The following ZNF483 variants were observed in gnomAD, a reference collection of about 807,000 sequenced individuals.
The protein encoded by ZNF483 is zinc finger protein HIT-10.
Under a neutral mutation model 28.6 loss-of-function variants are expected in ZNF483, and 9 were observed. The observed-to-expected ratio is 0.32, with a 90% CI of 0.19 to 0.55. The LOEUF (loss-of-function observed/expected upper bound fraction) is 0.55, where lower values mean the gene tolerates loss of function less well. Among genes scored for constraint, ZNF483 ranks in the 20% least tolerant of loss-of-function variants. ZNF483 has a pLI of 0.93. For missense variants in ZNF483, 675 were observed against 871.7 expected, an observed-to-expected ratio of 0.77 and a Z score of 2.84; for synonymous variants, 322 against 306.2, an observed-to-expected ratio of 1.05 and a Z score of -0.54.
At chr9:111,566,249 T>C (rs190364760) in intron 5 of ZNF483, among the ~76,000 whole-genome samples, 3 of 152,284 alleles carry the variant, frequency 2.0e-5, no homozygotes, top group Non-Finnish European at 4.4e-5. Context: ...CTAACTATGA[T>C]CAGCTTCACT....
chr9:111,527,894 A>T, intron 2 of ZNF483, 87 bp downstream of exon 2: 1 of 1,604,154 alleles, frequency 6.2e-7, no homozygotes, highest in Admixed American at 1.7e-5. Context: ...ATTTACTGCT[A>T]AAGAGGAGTC....
In ZNF483 at chr9:111,542,280, G is replaced by T; in HGVS notation, c.1345G>T (p.Gly449Cys). 5.0e-6 allele frequency: 8 copies of T among 1,614,120 alleles called. No homozygotes were observed. Among genetic ancestry groups the T allele is most frequent in the Non-Finnish European group, 6.8e-6 (8 of 1,180,014 alleles). Residue 449 changes from glycine to cysteine, a missense_variant, in exon 6 of 6, where the codon GGC (glycine) becomes TGC (cysteine). By Grantham distance (159) the Gly-to-Cys change is radical. This residue lies in a region of ZNF483 where 525 missense variants were observed against 581.8 expected (regional missense o/e 0.90). Transcript: ENST00000309235. The surrounding 1 kb of genome is among the most constrained non-coding windows in gnomAD (Gnocchi z 6.2). ...ATGTAGTAAGTGTGGAAAAGCCTTT[G>T]GCTATAGCGCCTCACTCACCAAACA... is the stretch of plus-strand genomic sequence containing the variant. Reference protein sequence around the residue: ...HKCSKCGKAFGYSASLTKHRR... With the variant: ...HKCSKCGKAFCYSASLTKHRR...
intron 5 of ZNF483, chr9:111,576,305 C>T: frequency 1.9e-6 from 3 of 1,591,460 alleles, no homozygotes; most frequent in Non-Finnish European, 1.7e-6. Context: ...AAACTACTTG[C>T]TAAAATTTTA....
chr9:111,549,670 C>T lies in ZNF483; in HGVS notation c.*6500C>T. On this transcript the variant is annotated 3_prime_UTR_variant, in exon 6 of 6. Transcript: ENST00000309235. ...TGGTGGCAGCGGCAGCAGGGTTCCC[C>T]ATTGATTTTCTAAATGTTTGTAGTC... The T allele has an allele frequency of 6.7e-7, 1 of 1,481,648 alleles. No individual in the cohort carries two copies. The highest frequency in any genetic ancestry group is 9.1e-7 in the Non-Finnish European group (1 of 1,095,292). The allele number at this position is 1,481,648 out of a possible 1,614,324, so 91.8% of individuals were successfully genotyped here.
At chr9:111,529,080 T>G (rs1589266010) in intron 2 of ZNF483, among the ~76,000 whole-genome samples, 1 of 149,606 alleles carries the variant, frequency 6.7e-6, no homozygotes, top group Non-Finnish European at 1.5e-5. Context: ...GGAGGTGGAG[T>G]GAGCCAAGAT....
At chr9:111,563,393 T>C in intron 5 of ZNF483, 1 of 633,490 alleles carries the variant, frequency 1.6e-6, no homozygotes, top group Non-Finnish European at 2.6e-6. Context: ...TGGGGCAAGA[T>C]CCACTTACAC....
intron 5 of ZNF483, among the ~76,000 whole-genome samples, chr9:111,569,576 C>T (rs1050067524): frequency 1.3e-5 from 2 of 152,052 alleles, no homozygotes; most frequent in Admixed American, 1.3e-4. Flanking sequence ...CCAGCCTGGC[C>T]AACATGACGA....
At chr9:111,556,631 A>G (rs7027778), downstream of ZNF483, among the ~76,000 whole-genome samples, 48,583 of 152,118 alleles carry the variant, frequency 0.32, 8,805 homozygotes, top group Non-Finnish European at 0.42. Context: ...TTTGTATCCA[A>G]TGCTGCGGGA....
intron 1 of ZNF483, among the ~76,000 whole-genome samples, chr9:111,525,770 C>T (rs1827172282): frequency 6.6e-6 from 1 of 152,076 alleles, no homozygotes; most frequent in African/African-American, 2.4e-5. Flanking sequence ...ATCGCGGAGC[C>T]CCAGGTGCTC....
At chr9:111,539,654 T>C in intron 5 of ZNF483, 1 of 242,050 alleles carries the variant, frequency 4.1e-6, no homozygotes, top group Non-Finnish European at 8.4e-6. Flanking sequence ...TCCAGGCTAC[T>C]TGGGAGGCTG....
chr9:111,531,920 G>A lies in ZNF483; in HGVS notation c.501+957G>A, dbSNP rs147650272. Among the ~76,000 whole-genome samples, 1,270 of 152,272 alleles carry A rather than the reference G, an allele frequency of 8.3e-3. 8 individuals are homozygous for A. The highest frequency in any genetic ancestry group is 0.024 in the Middle Eastern group (7 of 294). Reference sequence around the variant, plus strand: ...GCCAGTCTTGAACTCCTGACCTCAAGCAGTCCTCTCCCTTGGCCTCCCACA... The same window carrying A: ...GCCAGTCTTGAACTCCTGACCTCAAACAGTCCTCTCCCTTGGCCTCCCACA... On this transcript the variant is annotated intron_variant, in intron 3 of 5. Coordinates refer to ENST00000309235, the MANE Select transcript of ZNF483 (RefSeq NM_133464.5).
At position 111,527,810 on chromosome 9, in the gene ZNF483, G is replaced by A. The variant is rs1242682698; in HGVS notation, c.412+3G>A. The A allele has an allele frequency of 1.2e-6, 2 of 1,614,020 alleles. No individual in the cohort carries two copies. Among genetic ancestry groups the A allele is most frequent in the Non-Finnish European group, 1.7e-6 (2 of 1,180,032 alleles). On this transcript the variant is annotated splice_donor_region_variant and intron_variant, in intron 2 of 5. Transcript: ENST00000309235. Reference sequence around the variant, plus strand: ...GACCCAGATGCTTGAAGAAAAAGGTGAGATTTATAGATGGAGGGAGGAAGC... The same window carrying A: ...GACCCAGATGCTTGAAGAAAAAGGTAAGATTTATAGATGGAGGGAGGAAGC...
chr9:111,543,249 T>C lies in ZNF483; in HGVS notation c.*79T>C, dbSNP rs1361210541. The C allele has an allele frequency of 4.0e-6, 6 of 1,504,822 alleles. No individual in the cohort carries two copies. The highest frequency in any genetic ancestry group is 5.3e-6 in the Non-Finnish European group (6 of 1,133,756). 93.2% of individuals were successfully genotyped at this position (1,504,822 alleles called of 1,614,324 possible). On this transcript the variant is annotated 3_prime_UTR_variant, in exon 6 of 6. Transcript: ENST00000309235. ...AACCCTGGGATGTAAACTTACAGTA[T>C]TGATCAGTAGCTGCAGCTTTCGTAA...
chr9:111,574,636 T>C, intron 5 of ZNF483: 1 of 772,868 alleles, frequency 1.3e-6, no homozygotes, highest in Non-Finnish European at 2.0e-6. Context: ...TATGAAAATC[T>C]TTCTAATAAT....
intron 5 of ZNF483, among the ~76,000 whole-genome samples, chr9:111,539,041 A>C (rs1827596020): frequency 7.5e-6 from 1 of 133,328 alleles, no homozygotes; most frequent in Admixed American, 8.9e-5. Context: ...TGAACCCGGG[A>C]GGCGGAGCTT....
intron 5 of ZNF483, among the ~76,000 whole-genome samples, chr9:111,540,540 G>C (rs1408646017): frequency 6.6e-6 from 1 of 152,154 alleles, no homozygotes; most frequent in Non-Finnish European, 1.5e-5. Flanking sequence ...GTGATAGTGA[G>C]GGTGCTGTGG....
At chr9:111,541,403 A>G (rs1160241847) in intron 5 of ZNF483, among the ~76,000 whole-genome samples, 1 of 152,150 alleles carries the variant, frequency 6.6e-6, no homozygotes, top group African/African-American at 2.4e-5. Context: ...CCTCTTAAAA[A>G]AATTCAAAAT....
intron 5 of ZNF483, among the ~76,000 whole-genome samples, chr9:111,573,395 C>T (rs1254668416): frequency 6.6e-6 from 1 of 152,188 alleles, no homozygotes; most frequent in Non-Finnish European, 1.5e-5. Context: ...CCTTTGTCAG[C>T]CCCTTCCTTT....
In ZNF483 at chr9:111,550,575, CAT is replaced by C. The variant is rs1288088283; in HGVS notation, c.*7406_*7407del. ...GAAGCTACAAGTGTTCAGATGGACTCATGTGCTCCCAAAATAATCACTTTAGG... is the reference window on the plus strand; with the variant it reads ...GAAGCTACAAGTGTTCAGATGGACTCGTGCTCCCAAAATAATCACTTTAGG... On this transcript the variant is annotated 3_prime_UTR_variant, in exon 6 of 6. Transcript: ENST00000309235. Among the ~76,000 whole-genome samples, 1 of 152,160 alleles carries C rather than the reference CAT, an allele frequency of 6.6e-6. No homozygotes were observed. Among genetic ancestry groups the C allele is most frequent in the Non-Finnish European group, 1.5e-5 (1 of 68,032 alleles).
Sources: allele counts gnomAD v4.1 joint callset (sites outside exome capture counted in the v4.1 genomes callset), GRCh38; gene constraint gnomAD v4.1.1; regional missense constraint gnomAD v4.1.1; non-coding constraint Gnocchi (gnomAD v3.1); transcripts MANE v1.5; gene names NCBI Gene and HGNC (gene_info 2026-07-23, HGNC 2026-07-21).